The following DCC variants were observed in gnomAD, a reference collection of about 807,000 sequenced individuals.
The protein encoded by DCC is DCC netrin 1 receptor.
A neutral mutation model predicts 172.5 loss-of-function variants in DCC; 58 were observed. That is an observed-to-expected ratio of 0.34 (90% CI 0.27 to 0.42). The LOEUF (loss-of-function observed/expected upper bound fraction) is 0.42. Ranked by LOEUF, DCC falls within the 10% of genes least tolerant of loss-of-function variation. DCC has a pLI of 1.00. For missense variants in DCC, 1,740 were observed against 1,791.0 expected, an observed-to-expected ratio of 0.97 and a Z score of 0.51; for synonymous variants, 709 against 644.5, an observed-to-expected ratio of 1.10 and a Z score of -1.52.
At chr18:53,209,866 T>A (rs530734750) in intron 11 of DCC, among the ~76,000 whole-genome samples, 80 of 152,350 alleles carry the variant, frequency 5.3e-4, no homozygotes, top group Middle Eastern at 6.8e-3. Context: ...TGGTTTTAAA[T>A]GTCATAAGTG....
At chr18:52,932,000 T>C (rs1231415349) in intron 5 of DCC, 1 of 152,090 alleles carries the variant, frequency 6.6e-6, no homozygotes, top group Non-Finnish European at 1.5e-5. Context: ...TGGGAAGATA[T>C]GAAGAGTTGG....
At chr18:52,938,682 T>C (rs554141521) in intron 5 of DCC, among the ~76,000 whole-genome samples, 88 of 152,240 alleles carry the variant, frequency 5.8e-4, no homozygotes, top group Non-Finnish European at 1.0e-3. Flanking sequence ...ATATGAAAAC[T>C]GTCAAAATAA....
intron 1 of DCC, among the ~76,000 whole-genome samples, chr18:52,713,165 G>T (rs1052331350): frequency 6.6e-6 from 1 of 152,160 alleles, no homozygotes; most frequent in South Asian, 2.1e-4. Context: ...GCTTCTCTAG[G>T]TCAGTTCTTT....
Position 53,231,919 on chromosome 18 carries a change from G to C in DCC, c.1911+16322G>C, listed in dbSNP as rs139959763. Among the ~76,000 whole-genome samples, 42 of 152,178 alleles carry C rather than the reference G, an allele frequency of 2.8e-4. No homozygotes were observed. The South Asian group carries it at 6.9e-3, about 25-fold the overall frequency. ...CTGATAAAAGTCTGATTTTCCAATA[G>C]TTCATTTGACGTTTGAGTCCTTTTA... On this transcript the variant is annotated intron_variant, in intron 12 of 28. Transcript: ENST00000442544.
intron 15 of DCC, among the ~76,000 whole-genome samples, chr18:53,384,582 T>C (rs1189298173): frequency 1.3e-5 from 2 of 152,100 alleles, no homozygotes; most frequent in African/African-American, 4.8e-5. Context: ...TTACCGTTCA[T>C]GTCTAAAATT....
At chr18:52,881,854 G>T (rs528617980) in intron 2 of DCC, among the ~76,000 whole-genome samples, 70 of 152,168 alleles carry the variant, frequency 4.6e-4, no homozygotes, top group Admixed American at 2.1e-3. Flanking sequence ...TTTGTGCTTT[G>T]ATAGGGATTA....
chr18:53,105,594 T>G (rs2043233125), intron 7 of DCC, among the ~76,000 whole-genome samples: 1 of 151,924 alleles, frequency 6.6e-6, no homozygotes, highest in Non-Finnish European at 1.5e-5. Context: ...GAACACAAAT[T>G]GTTTTTGAAA....
At chr18:52,741,545 G>A (rs938977334) in intron 1 of DCC, among the ~76,000 whole-genome samples, 3 of 152,234 alleles carry the variant, frequency 2.0e-5, no homozygotes, top group African/African-American at 7.2e-5. Context: ...TCCAGACATC[G>A]CCAGAAATTT....
chr18:53,358,375 A>T (rs1394877926), intron 15 of DCC, among the ~76,000 whole-genome samples: 1 of 152,152 alleles, frequency 6.6e-6, no homozygotes, highest in Admixed American at 6.5e-5. Flanking sequence ...TACAAAAAAA[A>T]TTTCTTGTAA....
At chr18:52,791,731 G>A (rs986408720) in intron 2 of DCC, among the ~76,000 whole-genome samples, 1 of 152,096 alleles carries the variant, frequency 6.6e-6, no homozygotes, top group Admixed American at 6.6e-5. Context: ...TTTCCTCCTT[G>A]ATGGAGGAAG....
At chr18:52,566,778 A>T (rs971268065) in intron 1 of DCC, among the ~76,000 whole-genome samples, 3 of 152,190 alleles carry the variant, frequency 2.0e-5, no homozygotes, top group African/African-American at 7.2e-5. Context: ...GTTTGAAGCT[A>T]TGAGCTCCCT....
intron 8 of DCC, among the ~76,000 whole-genome samples, chr18:53,159,628 A>G (rs958881045): frequency 3.3e-5 from 5 of 152,142 alleles, no homozygotes; most frequent in African/African-American, 7.2e-5. Context: ...ACTTCTTTCA[A>G]TGGAAGTCTA....
intron 20 of DCC, among the ~76,000 whole-genome samples, chr18:53,415,451 A>T (rs1910254975): frequency 6.6e-6 from 1 of 152,178 alleles, no homozygotes; most frequent in Non-Finnish European, 1.5e-5. Context: ...ATGTGATAAT[A>T]CTAGAGATTT....
chr18:53,412,377 G>T (rs998425889), intron 20 of DCC, among the ~76,000 whole-genome samples: 2 of 151,902 alleles, frequency 1.3e-5, no homozygotes, highest in African/African-American at 4.8e-5. Flanking sequence ...TAATAATTTT[G>T]TACATGTATA....
chr18:53,322,247 T>G (rs2057420158), intron 14 of DCC, 90 bp downstream of exon 14: 1 of 753,764 alleles, frequency 1.3e-6, no homozygotes. Context: ...GAACTCCAAC[T>G]TTGGGGACAT....
At chr18:52,739,254 C>A (rs1189545292) in intron 1 of DCC, among the ~76,000 whole-genome samples, 1 of 152,156 alleles carries the variant, frequency 6.6e-6, no homozygotes. Context: ...CATTCACCAC[C>A]AACCTAGCAG....
At chr18:52,796,012 C>T (rs1039728754) in intron 2 of DCC, among the ~76,000 whole-genome samples, 2 of 149,404 alleles carry the variant, frequency 1.3e-5, no homozygotes, top group African/African-American at 4.9e-5. Flanking sequence ...CAATATATGA[C>T]CTTGTCTCTT....
chr18:53,353,271 C>T (rs1369627268), intron 15 of DCC, among the ~76,000 whole-genome samples: 2 of 129,968 alleles, frequency 1.5e-5, no homozygotes, highest in Admixed American at 7.9e-5. Context: ...TGAAACTCCA[C>T]TTGAGAGGAA....
intron 1 of DCC, among the ~76,000 whole-genome samples, chr18:52,498,897 T>G (rs1016581384): frequency 6.6e-6 from 1 of 152,138 alleles, no homozygotes; most frequent in Non-Finnish European, 1.5e-5. Context: ...ACTTTACTTA[T>G]GTAAGGACCT....
Sources: gnomAD v4.1 joint callset for allele counts (sites outside exome capture counted in the v4.1 genomes callset) on GRCh38, gnomAD v4.1.1 for gene constraint, MANE v1.5 for transcripts, NCBI Gene and HGNC (gene_info 2026-07-23, HGNC 2026-07-21) for gene names.